Variants in SMAD6 observed in about 807,000 individuals in gnomAD.
The protein encoded by SMAD6 is SMAD family member 6, also known as MAD homolog 6.
In SMAD6, 103 loss-of-function variants were observed where a neutral mutation model predicts 39.4. The observed-to-expected ratio is 2.62, with a 90% CI of 2.23 to 3.08. The LOEUF (loss-of-function observed/expected upper bound fraction) is 3.08, where lower values mean the gene tolerates loss of function less well. Ranked by LOEUF, SMAD6 falls within the 30% of genes most tolerant of loss-of-function variation. The pLI is 0.00. For missense variants in SMAD6, 1,104 were observed against 742.9 expected, an observed-to-expected ratio of 1.49 and a Z score of -5.65; for synonymous variants, 445 against 353.3, an observed-to-expected ratio of 1.26 and a Z score of -2.91.
intron 3 of SMAD6, among the ~76,000 whole-genome samples, chr15:66,742,474 G>A (rs1866745): frequency 0.41 from 62,258 of 151,902 alleles, 13,759 homozygotes; most frequent in African/African-American, 0.58. Context: ...GGCTGAGGGT[G>A]TGTCTGGTGG....
intron 3 of SMAD6, among the ~76,000 whole-genome samples, chr15:66,777,668 C>G (rs921486061): frequency 1.3e-5 from 2 of 152,178 alleles, no homozygotes; most frequent in African/African-American, 4.8e-5. Context: ...ACCAGGAGCG[C>G]AGACACCTGT....
intron 3 of SMAD6, among the ~76,000 whole-genome samples, chr15:66,749,164 A>G (rs1893956599): frequency 6.6e-6 from 1 of 152,164 alleles, no homozygotes; most frequent in Admixed American, 6.5e-5. Context: ...GTCTCTACAA[A>G]AAATACAAAA....
intron 3 of SMAD6, among the ~76,000 whole-genome samples, chr15:66,761,812 C>T (rs76850642): frequency 0.033 from 5,010 of 152,246 alleles, 130 homozygotes; most frequent in Admixed American, 0.068. Flanking sequence ...ATACACACGC[C>T]CTTGCTGCTA....
chr15:66,705,666 A>G (rs1184784293), intron 1 of SMAD6: 3 of 152,206 alleles, frequency 2.0e-5, no homozygotes, highest in South Asian at 4.1e-4. Flanking sequence ...TTGTTGAGCA[A>G]TTACTTTGGG....
Position 66,711,668 on chromosome 15 carries a change from A to C in SMAD6, c.818A>C (p.Glu273Ala). ...TGACATGCTGTCTCCTGTCTTCCAG[A>C]ATCTCCGCCACCTCCCTACTCTCGG... Reference protein sequence around the residue: ...PYHFSRLCGPESPPPPYSRLS... With the variant: ...PYHFSRLCGPASPPPPYSRLS... Residue 273 changes from glutamate to alanine, a missense_variant and splice_region_variant, in exon 2 of 4, where the codon GAA becomes GCA. Transcript: ENST00000288840. The C allele has an allele frequency of 1.9e-6, 3 of 1,613,770 alleles. No individual in the cohort carries two copies. Among genetic ancestry groups the C allele is most frequent in the Non-Finnish European group, 2.5e-6 (3 of 1,179,682 alleles).
In SMAD6 at chr15:66,781,017, G is replaced by A. The variant is rs199822239; in HGVS notation, c.973G>A (p.Ala325Thr). 365 of 1,580,110 alleles carry A rather than the reference G, an allele frequency of 2.3e-4. 1 individual carries two copies. Among genetic ancestry groups the A allele is most frequent in the Non-Finnish European group, 2.8e-4 (326 of 1,168,470 alleles). Residue 325 changes from alanine to threonine, a missense_variant, in exon 4 of 4, where the codon GCC becomes ACC. By Grantham distance (58) the Ala-to-Thr change is moderately conservative. Transcript: ENST00000288840. ...EFSDASMSPDATKPSHWCSVA... is the reference protein window; with the variant it reads ...EFSDASMSPDTTKPSHWCSVA... ...CGCAGACGCCAGCATGTCTCCGGAC[G>A]CCACCAAGCCGAGCCACTGGTGCAG...
intron 3 of SMAD6, among the ~76,000 whole-genome samples, chr15:66,772,051 C>T (rs1435334477): frequency 6.6e-6 from 1 of 152,160 alleles, no homozygotes; most frequent in Admixed American, 6.5e-5. Flanking sequence ...TTCGAGGATC[C>T]CTCTTCACGT....
chr15:66,753,388 GC>G (rs1025377677), intron 3 of SMAD6, among the ~76,000 whole-genome samples: 4 of 152,214 alleles, frequency 2.6e-5, no homozygotes, highest in Non-Finnish European at 5.9e-5. Context: ...TCTCCAAGGA[GC>G]CCCAGTGGCA....
chr15:66,744,651 G>A (rs1334002500), intron 3 of SMAD6, among the ~76,000 whole-genome samples: 1 of 152,248 alleles, frequency 6.6e-6, no homozygotes. Flanking sequence ...CACCCCCTAA[G>A]CCTAGAGCCG....
At chr15:66,715,147 A>G (rs1893303576) in intron 2 of SMAD6, among the ~76,000 whole-genome samples, 1 of 147,628 alleles carries the variant, frequency 6.8e-6, no homozygotes, top group South Asian at 2.1e-4. Context: ...ATTTTTTGGT[A>G]TTATTTTCTC....
intron 3 of SMAD6, among the ~76,000 whole-genome samples, chr15:66,722,636 C>G (rs1279655753): frequency 2.0e-5 from 3 of 152,244 alleles, no homozygotes; most frequent in Admixed American, 1.3e-4. Flanking sequence ...ATGGTATTTA[C>G]TACTCACATC....
chr15:66,754,763 A>G (rs1027690416), intron 3 of SMAD6, among the ~76,000 whole-genome samples: 1 of 152,190 alleles, frequency 6.6e-6, no homozygotes, highest in African/African-American at 2.4e-5. Flanking sequence ...GCTCAGAGGA[A>G]AGTTACCCCA....
rs1242920856 is a variant in SMAD6, at chr15:66,703,146, C to T, written c.-113C>T. ...TGTGCGCGGTCTGCACGGCGCTCCG[C>T]GGCGGAGCTTCATGTGGGGCTGCGA... On this transcript the variant is annotated 5_prime_UTR_variant, in exon 1 of 4. Transcript: ENST00000288840. 16 of 756,932 alleles carry T rather than the reference C, an allele frequency of 2.1e-5. No individual in the cohort carries two copies. Among genetic ancestry groups the T allele is most frequent in the African/African-American group, 7.3e-5 (4 of 54,434 alleles). The allele number at this position is 756,932 out of a possible 1,614,324, so 46.9% of individuals were successfully genotyped here. A position where few individuals can be genotyped will look rare whatever the true frequency, so the allele number is the denominator to read the frequency against.
intron 3 of SMAD6, among the ~76,000 whole-genome samples, chr15:66,730,187 G>A (rs752833891): frequency 6.6e-6 from 1 of 152,202 alleles, no homozygotes; most frequent in Admixed American, 6.5e-5. Flanking sequence ...CCAAGGATGC[G>A]GATTGCCCAC....
chr15:66,769,745 T>C (rs1894349181), intron 3 of SMAD6, among the ~76,000 whole-genome samples: 1 of 152,198 alleles, frequency 6.6e-6, no homozygotes, highest in Non-Finnish European at 1.5e-5. Flanking sequence ...ATAAAACACA[T>C]TGTATTTGGG....
intron 1 of SMAD6, chr15:66,708,871 A>AC (rs765907179): frequency 2.0e-5 from 8 of 394,278 alleles, no homozygotes; most frequent in Non-Finnish European, 3.8e-5. Context: ...AACACTGTGA[A>AC]TATACTCAAA....
At chr15:66,719,401 C>CCA (rs1893391446) in intron 3 of SMAD6, among the ~76,000 whole-genome samples, 2 of 152,138 alleles carry the variant, frequency 1.3e-5, no homozygotes, top group South Asian at 4.2e-4. Context: ...CCCTTCCAGG[C>CCA]CACTACTGGA....
At chr15:66,761,282 G>A (rs1567110465) in intron 3 of SMAD6, among the ~76,000 whole-genome samples, 1 of 152,160 alleles carries the variant, frequency 6.6e-6, no homozygotes, top group Non-Finnish European at 1.5e-5. Context: ...AAGGGGTTGC[G>A]AACGGGTGTG....
At chr15:66,715,030 C>CTTT (rs5813400) in intron 2 of SMAD6, among the ~76,000 whole-genome samples, 1,504 of 132,110 alleles carry the variant, frequency 0.011, 25 homozygotes, top group East Asian at 0.074. Flanking sequence ...GAGCACTGAG[C>CTTT]TTTTTTTTTT....
Sources: allele counts gnomAD v4.1 joint callset (sites outside exome capture counted in the v4.1 genomes callset), GRCh38; gene constraint gnomAD v4.1.1; transcripts MANE v1.5; gene names NCBI Gene and HGNC (gene_info 2026-07-23, HGNC 2026-07-21).